TRHDE: variants seen among roughly 807,000 people sequenced by gnomAD.
The protein encoded by TRHDE is thyrotropin-releasing hormone-degrading ectoenzyme.
A neutral mutation model predicts 125.7 loss-of-function variants in TRHDE; 72 were observed. The observed-to-expected ratio is 0.57, with a 90% CI of 0.47 to 0.70. The LOEUF is 0.70. Ranked by LOEUF, TRHDE falls within the 30% of genes least tolerant of loss-of-function variation. TRHDE has a pLI of 0.00. For missense variants in TRHDE, 1,110 were observed against 1,327.1 expected (o/e 0.84, Z 2.54); for synonymous variants, 509 against 509.1 (o/e 1.00, Z 0.00).
intron 6 of TRHDE, among the ~76,000 whole-genome samples, chr12:72,507,928 TA>T (rs1878425042): frequency 6.6e-6 from 1 of 152,146 alleles, no homozygotes; most frequent in South Asian, 2.1e-4. Context: ...CAGCAGTGGC[TA>T]AAAGGGGCCA....
chr12:72,304,366 G>A (rs1244036277), intron 2 of TRHDE, among the ~76,000 whole-genome samples: 2 of 152,124 alleles, frequency 1.3e-5, no homozygotes, highest in Non-Finnish European at 2.9e-5. Flanking sequence ...CAGCTACAGA[G>A]GGAGCTTGAT....
intron 18 of TRHDE, among the ~76,000 whole-genome samples, chr12:72,661,480 TATC>T (rs1325594405): frequency 6.6e-6 from 1 of 152,194 alleles, no homozygotes; most frequent in African/African-American, 2.4e-5. Context: ...GCCATTATAA[TATC>T]ATATTTTTAT....
chr12:72,164,287 CA>C (rs1486103896), intron 2 of TRHDE, among the ~76,000 whole-genome samples: 29 of 152,168 alleles, frequency 1.9e-4, no homozygotes, highest in Admixed American at 1.8e-3. Flanking sequence ...TAATGAAGGC[CA>C]ACTCTGGCGA....
intron 15 of TRHDE, among the ~76,000 whole-genome samples, chr12:72,623,988 C>A (rs767919084): frequency 6.6e-5 from 10 of 151,916 alleles, no homozygotes; most frequent in Non-Finnish European, 1.3e-4. Flanking sequence ...GCTTTGCTTT[C>A]TTTTGTAACT....
At chr12:72,438,076 A>G (rs1874824633) in intron 3 of TRHDE, among the ~76,000 whole-genome samples, 1 of 151,868 alleles carries the variant, frequency 6.6e-6, no homozygotes, top group African/African-American at 2.4e-5. Context: ...AATGTCCTTC[A>G]GGTTCATCCA....
chr12:72,512,555 CAT>C (rs1215202052), intron 6 of TRHDE, among the ~76,000 whole-genome samples: 1 of 131,732 alleles, frequency 7.6e-6, no homozygotes, highest in Non-Finnish European at 1.6e-5. Context: ...CATATATAAT[CAT>C]ATATAATATA....
At chr12:72,445,634 G>C (rs940342953) in intron 3 of TRHDE, among the ~76,000 whole-genome samples, 1 of 151,860 alleles carries the variant, frequency 6.6e-6, no homozygotes. Flanking sequence ...TAAAGGAAGA[G>C]TTTTGAGAGG....
At chr12:72,244,091 G>A (rs1305452943) in intron 2 of TRHDE, among the ~76,000 whole-genome samples, 1 of 152,130 alleles carries the variant, frequency 6.6e-6, no homozygotes, top group Non-Finnish European at 1.5e-5. Context: ...TATTCAGTAT[G>A]AGGCTCTATT....
chr12:72,468,699 A>G (rs538221380), intron 3 of TRHDE, among the ~76,000 whole-genome samples: 1 of 152,194 alleles, frequency 6.6e-6, no homozygotes, highest in South Asian at 2.1e-4. Context: ...CCTGGCATTA[A>G]GTAGTCAGCG....
chr12:72,199,752 C>T (rs1470870135), intron 2 of TRHDE, among the ~76,000 whole-genome samples: 2 of 152,132 alleles, frequency 1.3e-5, no homozygotes, highest in Non-Finnish European at 2.9e-5. Flanking sequence ...TTGCTTTGTT[C>T]ATTATTCATT....
At chr12:72,512,598 CAT>C (rs960909034) in intron 6 of TRHDE, among the ~76,000 whole-genome samples, 26 of 136,082 alleles carry the variant, frequency 1.9e-4, no homozygotes, top group East Asian at 2.1e-4. Flanking sequence ...CATATATAAT[CAT>C]ATATATAATT....
intron 2 of TRHDE, among the ~76,000 whole-genome samples, chr12:72,206,692 T>C (rs555409504): frequency 6.6e-6 from 1 of 152,128 alleles, no homozygotes; most frequent in Non-Finnish European, 1.5e-5. Context: ...GGAATTCTAT[T>C]TTGTTGGGGT....
At chr12:72,116,131 T>C (rs1191975587) in intron 2 of TRHDE, among the ~76,000 whole-genome samples, 1 of 152,112 alleles carries the variant, frequency 6.6e-6, no homozygotes, top group African/African-American at 2.4e-5. Flanking sequence ...TGTTACTGTG[T>C]TAGTTTGCTG....
chr12:72,335,970 G>A (rs975579293), intron 2 of TRHDE, among the ~76,000 whole-genome samples: 1 of 152,134 alleles, frequency 6.6e-6, no homozygotes, highest in African/African-American at 2.4e-5. Flanking sequence ...AAAAGTAAAA[G>A]TTGTAAATTT....
chr12:72,663,030 A>G (rs1326866478), intron 18 of TRHDE, 22 bp from the exon 19 acceptor site: 13 of 1,593,934 alleles, frequency 8.2e-6, no homozygotes, highest in Non-Finnish European at 1.1e-5. Context: ...CAGATTTACC[A>G]TTTAAAAATT....
chr12:72,563,590 G>T (rs1870288670), intron 9 of TRHDE, among the ~76,000 whole-genome samples: 1 of 152,070 alleles, frequency 6.6e-6, no homozygotes, highest in Admixed American at 6.6e-5. Flanking sequence ...AGCATACACA[G>T]AATCTTTATT....
intron 7 of TRHDE, among the ~76,000 whole-genome samples, chr12:72,548,785 C>A (rs1178425012): frequency 1.3e-5 from 2 of 151,404 alleles, no homozygotes; most frequent in African/African-American, 4.8e-5. Context: ...TTCTTTCAAA[C>A]AAAACAATAT....
chr12:72,458,676 G>T (rs2135882001), intron 3 of TRHDE, among the ~76,000 whole-genome samples: 1 of 152,212 alleles, frequency 6.6e-6, no homozygotes, highest in South Asian at 2.1e-4. Flanking sequence ...AGCAGGATTT[G>T]TCAGTGTGTG....
intron 12 of TRHDE, among the ~76,000 whole-genome samples, chr12:72,595,300 AAAAC>A (rs1290906825): frequency 2.0e-5 from 3 of 152,134 alleles, no homozygotes; most frequent in African/African-American, 2.4e-5. Flanking sequence ...AGCATTCAAA[AAAAC>A]AAAATAAAGG....
Sources: allele counts gnomAD v4.1 joint callset (sites outside exome capture counted in the v4.1 genomes callset), GRCh38; gene constraint gnomAD v4.1.1; transcripts MANE v1.5; gene names NCBI Gene and HGNC (gene_info 2026-07-23, HGNC 2026-07-21).